The following SMG1 variants were observed in gnomAD, a reference collection of about 807,000 sequenced individuals.
SMG1 encodes SMG1 nonsense mediated mRNA decay associated PI3K related kinase, also known as serine/threonine-protein kinase SMG1.
Under a neutral mutation model 419.9 loss-of-function variants are expected in SMG1, and 22 were observed. That is an observed-to-expected ratio of 0.05 (90% CI 0.04 to 0.07). The LOEUF is 0.07. Among genes scored for constraint, SMG1 ranks in the 10% least tolerant of loss-of-function variants. The pLI, the probability that SMG1 is intolerant of heterozygous loss-of-function variation, is 1.00. For synonymous variants in SMG1, 1,538 were observed against 1,553.5 expected (o/e 0.99, Z 0.23); for missense variants, 3,185 against 4,342.0 (o/e 0.73, Z 7.49).
At chr16:18,850,517 G>A in intron 33 of SMG1, 50 bp from the exon 34 acceptor site, 1 of 1,291,880 alleles carries the variant, frequency 7.7e-7, no homozygotes, top group Non-Finnish European at 1.1e-6. Flanking sequence ...AACTGAAAAG[G>A]GAAAAAGGTA....
Position 18,853,651 on chromosome 16 carries a change from G to T in SMG1, c.4700C>A (p.Thr1567Asn). The T allele has an allele frequency of 6.2e-7, 1 of 1,612,074 alleles. No individual in the cohort carries two copies. The highest frequency in any genetic ancestry group is 8.5e-7 in the Non-Finnish European group (1 of 1,178,876). The change falls in exon 31 of 63, where the codon ACT becomes AAT. Residue 1567 changes from threonine (T) to asparagine (N), a missense_variant. This residue lies in a region of SMG1 where 493 missense variants were observed against 552.9 expected (regional missense o/e 0.89). Coordinates refer to ENST00000446231, the MANE Select transcript of SMG1 (RefSeq NM_015092.5). ...ATTAACAGATGGCAGTTCTATTAGA[G>T]TGAGTATGTTTTTAGACAAAGTAGA... ...GLSTLSKNIL[T>N]LIELPSVNTM... is the part of the protein sequence containing the mutation.
chr16:18,877,469 G>C (rs2036189874), intron 11 of SMG1: 2 of 366,216 alleles, frequency 5.5e-6, no homozygotes, highest in African/African-American at 2.0e-5. Context: ...GGAAGGAGTG[G>C]GTGGAACATA....
intron 13 of SMG1, among the ~76,000 whole-genome samples, chr16:18,874,469 T>A (rs2035993801): frequency 6.6e-6 from 1 of 151,002 alleles, no homozygotes; most frequent in Admixed American, 6.6e-5. Flanking sequence ...AAAAAGAATG[T>A]TTTTCAACTC....
chr16:18,924,445 A>T (rs1302527411), intron 1 of SMG1, among the ~76,000 whole-genome samples: 1 of 152,244 alleles, frequency 6.6e-6, no homozygotes, highest in Admixed American at 6.5e-5. Flanking sequence ...ATATACTTAT[A>T]CTGATCACAA....
chr16:18,836,668 C>T (rs2033594272), intron 46 of SMG1, 136 bp from the exon 47 acceptor site: 2 of 830,940 alleles, frequency 2.4e-6, no homozygotes, highest in South Asian at 3.5e-5. Context: ...CTCAAATGTC[C>T]CTTACTTCTC....
chr16:18,830,406 A>G, intron 51 of SMG1, 37 bp from the exon 52 acceptor site: 1 of 1,608,944 alleles, frequency 6.2e-7, no homozygotes, highest in Non-Finnish European at 8.5e-7. Context: ...CCTTCGCTGA[A>G]AAGTAATGCC....
Position 18,849,327 on chromosome 16 carries a change from C to T in SMG1, c.5513G>A (p.Arg1838His), listed in dbSNP as rs1254602521. The T allele has an allele frequency of 5.6e-6, 9 of 1,613,532 alleles. No individual in the cohort carries two copies. The highest frequency in any genetic ancestry group is 3.3e-5 in the South Asian group (3 of 91,078). Residue 1838 changes from arginine to histidine, a missense_variant, in exon 36 of 63, where the codon CGC becomes CAC. Arg to His is a conservative substitution (Grantham distance 29). This residue lies in a region of SMG1 where 11 missense variants were observed against 35.5 expected (regional missense o/e 0.31). Transcript: ENST00000446231. The stretch of plus-strand genomic sequence containing the variant: ...GCAGAGAAGGTTACAAATACTTTGG[C>T]GCACATACACTTCAGGGTGGTTTAA... ...SRLNHPEVYV[R>H]QSICNLLCRV... is the part of the protein sequence containing the mutation.
In SMG1 at chr16:18,910,821, C is replaced by A. The variant is rs181381417; in HGVS notation, c.93-13865G>T. Among the ~76,000 whole-genome samples the A allele has an allele frequency of 2.5e-3, 387 of 152,184 alleles. 1 individual carries two copies. The highest frequency in any genetic ancestry group is 8.8e-3 in the African/African-American group (364 of 41,514). On this transcript the variant is annotated intron_variant, in intron 1 of 62. Transcript: ENST00000446231. ...ATGTTTCTGGCATCCTCCCTCCTCC[C>A]ATTAAAAAATAAAATTAAAATAAAA... is the stretch of plus-strand genomic sequence containing the variant.
At chr16:18,815,311 C>T (rs759173402) in intron 59 of SMG1, 30 bp from the exon 60 acceptor site, 5 of 1,542,702 alleles carry the variant, frequency 3.2e-6, no homozygotes, top group South Asian at 1.2e-5. Context: ...GGCTTATTTA[C>T]GAAATGTTTT....
rs374896427 is a variant in SMG1, at chr16:18,869,174, T to C, written c.2763A>G (p.Ala921=). Residue 921 remains alanine (A), a synonymous_variant, in exon 20 of 63, where the codon GCA becomes GCG. Coordinates refer to ENST00000446231, the MANE Select transcript of SMG1 (RefSeq NM_015092.5). ...VLWQWAIWEA[A]QFTVLSKLRT... ...TCAGCTTAGAAAGAACAGTGAATTGTGCAGCTTCCCATATGGCCCACTGCC... is the reference window on the plus strand; with the variant it reads ...TCAGCTTAGAAAGAACAGTGAATTGCGCAGCTTCCCATATGGCCCACTGCC... 125 of 1,611,748 alleles carry C rather than the reference T, an allele frequency of 7.8e-5. No homozygotes were observed. The African/African-American group carries it at 1.6e-3, about 20-fold the overall frequency.
intron 1 of SMG1, among the ~76,000 whole-genome samples, chr16:18,921,780 G>T (rs2038209879): frequency 6.6e-6 from 1 of 152,202 alleles, no homozygotes; most frequent in East Asian, 1.9e-4. Flanking sequence ...AGACATACTA[G>T]TATACAGCTT....
chr16:18,870,121 T>C, intron 18 of SMG1, 127 bp from the exon 19 acceptor site: 1 of 620,612 alleles, frequency 1.6e-6, no homozygotes, highest in Non-Finnish European at 2.8e-6. Context: ...GACTTTCAAA[T>C]GGATACAGAG....
At chr16:18,820,506 GT>G (rs2032431417) in intron 55 of SMG1, among the ~76,000 whole-genome samples, 1 of 152,162 alleles carries the variant, frequency 6.6e-6, no homozygotes. Context: ...GCCTGGCCAA[GT>G]TTATGAACAA....
At chr16:18,900,217 A>T (rs1379978145) in intron 1 of SMG1, 1 of 471,174 alleles carries the variant, frequency 2.1e-6, no homozygotes, top group Non-Finnish European at 3.8e-6. Context: ...GCCTTACAGG[A>T]TAAAGAGGCT....
chr16:18,850,960 G>T (rs749552422), intron 33 of SMG1, among the ~76,000 whole-genome samples: 6 of 152,042 alleles, frequency 3.9e-5, no homozygotes, highest in Non-Finnish European at 7.4e-5. Flanking sequence ...TCACCATGTT[G>T]GCCAGGCTTG....
At chr16:18,846,953 C>G (rs2034301122) in intron 38 of SMG1, among the ~76,000 whole-genome samples, 1 of 152,196 alleles carries the variant, frequency 6.6e-6, no homozygotes, top group East Asian at 1.9e-4. Flanking sequence ...CACCAATGTT[C>G]ACAGCAGCAC....
At chr16:18,848,083 G>T in intron 36 of SMG1, 50 bp from the exon 37 acceptor site, 1 of 1,471,518 alleles carries the variant, frequency 6.8e-7, no homozygotes, top group Non-Finnish European at 9.5e-7. Flanking sequence ...TCTCCCATGT[G>T]CATATGCTAG....
At chr16:18,833,377 C>T (rs1195861735) in intron 50 of SMG1, among the ~76,000 whole-genome samples, 1 of 151,910 alleles carries the variant, frequency 6.6e-6, no homozygotes, top group East Asian at 1.9e-4. Context: ...TTTTCAGGAA[C>T]TATTTCAAAT....
chr16:18,916,069 C>CAAAA lies in SMG1; in HGVS notation c.92+9877_92+9880dup, dbSNP rs35871395. On this transcript the variant is annotated intron_variant, in intron 1 of 62. Transcript: ENST00000446231. ...GGGGGATAAGAGCGACACTTCGTCT[C>CAAAA]AAAAAAAAAAAAAAAAAAAACCAGA... Among the ~76,000 whole-genome samples the CAAAA allele has an allele frequency of 6.5e-3, 223 of 34,440 alleles. 1 individual carries two copies. The highest frequency in any genetic ancestry group is 9.3e-3 in the Non-Finnish European group (181 of 19,462). 22.6% of individuals were successfully genotyped at this position (34,440 alleles called of 152,430 possible).
Sources: gnomAD v4.1 joint callset for allele counts (sites outside exome capture counted in the v4.1 genomes callset) on GRCh38, gnomAD v4.1.1 for gene constraint, gnomAD v4.1.1 regional missense constraint, MANE v1.5 for transcripts, NCBI Gene and HGNC (gene_info 2026-07-23, HGNC 2026-07-21) for gene names.